OXR1: variants seen among roughly 807,000 people sequenced by gnomAD.
The protein encoded by OXR1 is oxidation resistance 1.
OXR1 carries 41 observed loss-of-function variants against 104.6 expected under a neutral mutation model. That is an observed-to-expected ratio of 0.39 (90% confidence interval 0.31 to 0.51). OXR1 has a LOEUF of 0.51. OXR1 is among the 20% of genes least tolerant of loss of function. The pLI is 0.77. For missense variants in OXR1, 955 were observed against 1,031.9 expected (o/e 0.93, Z 1.02); for synonymous variants, 348 against 348.4 (o/e 1.00, Z 0.01).
intron 3 of OXR1, chr8:106,658,210 C>T: frequency 2.4e-6 from 3 of 1,233,920 alleles, no homozygotes; most frequent in South Asian, 4.1e-5. Context: ...CTTTCGCCTC[C>T]CGCGCGGCCG....
intron 2 of OXR1, among the ~76,000 whole-genome samples, chr8:106,378,588 C>T (rs1443300995): frequency 1.3e-5 from 2 of 152,188 alleles, no homozygotes; most frequent in African/African-American, 4.8e-5. Flanking sequence ...CGGCTCACCA[C>T]AACTTCTGAC....
chr8:106,520,881 T>C (rs768283812), intron 3 of OXR1, among the ~76,000 whole-genome samples: 3 of 152,172 alleles, frequency 2.0e-5, no homozygotes, highest in Non-Finnish European at 2.9e-5. Flanking sequence ...AAGGGAGAGA[T>C]ACTGACCAAC....
chr8:106,664,046 G>A (rs1826032819), intron 3 of OXR1, among the ~76,000 whole-genome samples: 1 of 152,186 alleles, frequency 6.6e-6, no homozygotes, highest in Non-Finnish European at 1.5e-5. Flanking sequence ...GGGAGGAAGA[G>A]AATACTCTCT....
At chr8:106,415,823 C>T (rs999696574) in intron 2 of OXR1, among the ~76,000 whole-genome samples, 12 of 152,062 alleles carry the variant, frequency 7.9e-5, no homozygotes, top group Middle Eastern at 3.4e-3. Flanking sequence ...TTCCTTTTAA[C>T]TAGATTGTGT....
chr8:106,618,165 A>G, intron 3 of OXR1: 1 of 1,536,116 alleles, frequency 6.5e-7, no homozygotes. Context: ...GACCTCAGAA[A>G]TGTTCTGCCA....
intron 2 of OXR1, among the ~76,000 whole-genome samples, chr8:106,404,898 G>A (rs1204854154): frequency 6.6e-6 from 1 of 151,670 alleles, no homozygotes; most frequent in African/African-American, 2.4e-5. Flanking sequence ...GTAGAGACGG[G>A]GTTTCACCAC....
At chr8:106,294,049 T>C (rs2130055199) in intron 1 of OXR1, among the ~76,000 whole-genome samples, 1 of 149,020 alleles carries the variant, frequency 6.7e-6, no homozygotes, top group East Asian at 2.0e-4. Flanking sequence ...AATTACTTTG[T>C]GTTTATGAAG....
rs754154937 is a variant in OXR1, at chr8:106,683,196, C to A, written c.304-3C>A. The stretch of plus-strand genomic sequence containing the variant: ...GAAATAATTTATTTTTTCTTTTAAA[C>A]AGGTTGAATCAAGGGATTCTTTGAA... On this transcript the variant is annotated splice_region_variant and splice_polypyrimidine_tract_variant and intron_variant, in intron 4 of 16. Transcript: ENST00000517566. The A allele has an allele frequency of 6.9e-6, 10 of 1,439,824 alleles. No homozygotes were observed. In the African/African-American group the frequency reaches 1.1e-4, roughly 16 times the overall value. 89.2% of individuals were successfully genotyped at this position (1,439,824 alleles called of 1,614,324 possible).
chr8:106,584,041 G>A (rs1461283317), intron 3 of OXR1, among the ~76,000 whole-genome samples: 1 of 152,036 alleles, frequency 6.6e-6, no homozygotes. Context: ...ACCATCTAAA[G>A]AGATTCTTAG....
chr8:106,717,154 C>G (rs1229222896), intron 11 of OXR1, among the ~76,000 whole-genome samples: 1 of 151,906 alleles, frequency 6.6e-6, no homozygotes, highest in Non-Finnish European at 1.5e-5. Context: ...CCACTGCACT[C>G]CAGCCTGGGC....
At chr8:106,658,942 G>T (rs1040086924) in intron 3 of OXR1, among the ~76,000 whole-genome samples, 4 of 152,092 alleles carry the variant, frequency 2.6e-5, no homozygotes, top group African/African-American at 9.7e-5. Context: ...AGTGTCCTTG[G>T]CTTCGTTTAA....
intron 3 of OXR1, among the ~76,000 whole-genome samples, chr8:106,593,825 G>C (rs142412151): frequency 8.3e-4 from 126 of 152,268 alleles, no homozygotes; most frequent in African/African-American, 2.8e-3. Context: ...GTTGTGGAAA[G>C]TAAGATGAAA....
At position 106,359,589 on chromosome 8, in the gene OXR1, G is replaced by T; in HGVS notation, c.-25G>T. 3 of 1,544,862 alleles carry T rather than the reference G, an allele frequency of 1.9e-6. No homozygotes were observed. The highest frequency in any genetic ancestry group is 1.2e-5 in the South Asian group (1 of 83,880). On this transcript the variant is annotated 5_prime_UTR_variant, in exon 2 of 17. Coordinates refer to ENST00000517566, the MANE Select transcript of OXR1 (RefSeq NM_001198533.2). ...CTAATTTCCTGTTCTGGAATCGAGA[G>T]AAGACTCCTCAACAAGTTGCTGCAA...
chr8:106,349,096 T>C (rs991608467), intron 1 of OXR1, among the ~76,000 whole-genome samples: 2 of 152,130 alleles, frequency 1.3e-5, no homozygotes, highest in Non-Finnish European at 2.9e-5. Flanking sequence ...GTGGAGAGGA[T>C]TCAAGTATTT....
intron 11 of OXR1, among the ~76,000 whole-genome samples, chr8:106,723,665 C>T (rs1833059520): frequency 7.0e-6 from 1 of 142,218 alleles, no homozygotes; most frequent in Non-Finnish European, 1.5e-5. Context: ...GAGCAATACT[C>T]CATCTCAAAA....
chr8:106,589,653 C>A (rs1361634781), intron 3 of OXR1, among the ~76,000 whole-genome samples: 2 of 152,096 alleles, frequency 1.3e-5, no homozygotes, highest in Non-Finnish European at 2.9e-5. Flanking sequence ...AGGTGCTTGA[C>A]ATGAACATAA....
intron 16 of OXR1, 149 bp downstream of exon 16, chr8:106,746,011 G>C: frequency 1.9e-6 from 1 of 532,388 alleles, no homozygotes; most frequent in East Asian, 3.0e-5. Context: ...GTATTTGCAA[G>C]AAGTAGCTCA....
chr8:106,480,147 A>G (rs1822028004), intron 2 of OXR1, among the ~76,000 whole-genome samples: 1 of 151,988 alleles, frequency 6.6e-6, no homozygotes, highest in African/African-American at 2.4e-5. Flanking sequence ...TCCTCAAGCT[A>G]TATGTGATAA....
intron 3 of OXR1, among the ~76,000 whole-genome samples, chr8:106,543,147 C>T (rs192509534): frequency 1.3e-5 from 2 of 152,206 alleles, no homozygotes; most frequent in African/African-American, 4.8e-5. Flanking sequence ...AAAGAGACTT[C>T]CTAATGAGCA....
Sources: allele counts gnomAD v4.1 joint callset (sites outside exome capture counted in the v4.1 genomes callset), GRCh38; gene constraint gnomAD v4.1.1; transcripts MANE v1.5; gene names NCBI Gene and HGNC (gene_info 2026-07-23, HGNC 2026-07-21).